RYR2: variants seen among roughly 807,000 people sequenced by gnomAD.
The protein encoded by RYR2 is cardiac muscle ryanodine receptor-calcium release channel.
Under a neutral mutation model 601.1 loss-of-function variants are expected in RYR2, and 227 were observed. The ratio of observed to expected loss-of-function variants is 0.38; its 90% confidence interval spans 0.34 to 0.42. RYR2 has a LOEUF of 0.42. Ranked by LOEUF, RYR2 falls within the 10% of genes least tolerant of loss-of-function variation. The pLI is 1.00. For missense variants in RYR2, 4,646 were observed against 6,156.5 expected, an observed-to-expected ratio of 0.75 and a Z score of 8.21; for synonymous variants, 2,223 against 2,175.1, an observed-to-expected ratio of 1.02 and a Z score of -0.61.
chr1:237,603,396 G>C (rs982581546), intron 35 of RYR2, among the ~76,000 whole-genome samples: 6 of 152,178 alleles, frequency 3.9e-5, no homozygotes, highest in Non-Finnish European at 8.8e-5. Flanking sequence ...CCACTACTCT[G>C]ATTGTTTATT....
chr1:237,139,225 C>T (rs1673123517), intron 1 of RYR2, among the ~76,000 whole-genome samples: 1 of 152,076 alleles, frequency 6.6e-6, no homozygotes, highest in Middle Eastern at 3.2e-3. Context: ...ACCATATATA[C>T]TACCACATGG....
At chr1:237,124,727 A>G (rs1392856191) in intron 1 of RYR2, among the ~76,000 whole-genome samples, 1 of 152,134 alleles carries the variant, frequency 6.6e-6, no homozygotes, top group Non-Finnish European at 1.5e-5. Flanking sequence ...CTTGACAGGG[A>G]AGGTAACATT....
intron 1 of RYR2, among the ~76,000 whole-genome samples, chr1:237,141,851 G>T (rs1445502482): frequency 6.6e-6 from 1 of 152,108 alleles, no homozygotes; most frequent in Non-Finnish European, 1.5e-5. Context: ...CTATGGCCTT[G>T]GTTCACCACT....
At chr1:237,480,378 C>CA (rs61271895) in intron 17 of RYR2, among the ~76,000 whole-genome samples, 3,730 of 56,688 alleles carry the variant, frequency 0.066, 134 homozygotes, top group East Asian at 0.15. Context: ...AAGATCATCT[C>CA]AAAAAAAAAA....
intron 8 of RYR2, among the ~76,000 whole-genome samples, chr1:237,380,391 TA>T (rs1558718082): frequency 0.05 from 3,166 of 63,360 alleles, 392 homozygotes; most frequent in East Asian, 0.11. Flanking sequence ...TATATATATA[TA>T]TATATATATA....
At chr1:237,609,945 G>C (rs627287) in intron 35 of RYR2, among the ~76,000 whole-genome samples, 147,217 of 152,206 alleles carry the variant, frequency 0.97, 71,362 homozygotes, top group Middle Eastern at 1. Context: ...GTTTTTCCCC[G>C]CCTATTGTTA....
intron 6 of RYR2, among the ~76,000 whole-genome samples, chr1:237,373,388 G>A (rs2149776007): frequency 6.6e-6 from 1 of 152,208 alleles, no homozygotes; most frequent in African/African-American, 2.4e-5. Context: ...CCACCGATTG[G>A]TTCATCTGCC....
chr1:237,544,379 T>C (rs1238992373), intron 25 of RYR2, among the ~76,000 whole-genome samples: 4 of 152,186 alleles, frequency 2.6e-5, no homozygotes, highest in Non-Finnish European at 5.9e-5. Flanking sequence ...TTTGAGAAAG[T>C]AGAATGTAAT....
intron 17 of RYR2, among the ~76,000 whole-genome samples, chr1:237,487,322 T>A (rs1042838504): frequency 1.8e-4 from 28 of 152,170 alleles, no homozygotes; most frequent in Non-Finnish European, 4.0e-4. Context: ...TTCCTTTTTT[T>A]ATTTAAAAAT....
At chr1:237,420,239 T>C (rs1705418722) in intron 11 of RYR2, among the ~76,000 whole-genome samples, 2 of 152,090 alleles carry the variant, frequency 1.3e-5, no homozygotes, top group Admixed American at 1.3e-4. Context: ...ATATTGTAAG[T>C]GAGATATGTG....
intron 1 of RYR2, among the ~76,000 whole-genome samples, chr1:237,135,138 A>G (rs962711802): frequency 6.6e-6 from 1 of 152,208 alleles, no homozygotes; most frequent in East Asian, 1.9e-4. Flanking sequence ...GCCTTATGTA[A>G]GGTTACTCAG....
At chr1:237,354,921 C>T (rs1036431840) in intron 3 of RYR2, among the ~76,000 whole-genome samples, 1 of 152,092 alleles carries the variant, frequency 6.6e-6, no homozygotes, top group Non-Finnish European at 1.5e-5. Flanking sequence ...TCATAAAATT[C>T]TGCCTGTTTA....
chr1:237,172,320 G>A (rs1677493854), intron 1 of RYR2, among the ~76,000 whole-genome samples: 1 of 152,148 alleles, frequency 6.6e-6, no homozygotes, highest in Admixed American at 6.5e-5. Flanking sequence ...CATTAACCTA[G>A]TTTTCATCAA....
At chr1:237,124,929 G>C (rs916968602) in intron 1 of RYR2, among the ~76,000 whole-genome samples, 4 of 152,288 alleles carry the variant, frequency 2.6e-5, no homozygotes, top group South Asian at 2.1e-4. Context: ...TCATGCAGCA[G>C]GTGAGTTTTT....
At chr1:237,414,012 T>G (rs1704693495) in intron 10 of RYR2, among the ~76,000 whole-genome samples, 1 of 152,182 alleles carries the variant, frequency 6.6e-6, no homozygotes. Flanking sequence ...TGTCAATTTC[T>G]TTTCTTTTCA....
intron 6 of RYR2, among the ~76,000 whole-genome samples, chr1:237,369,858 T>G (rs1700500171): frequency 1.3e-5 from 2 of 152,178 alleles, no homozygotes; most frequent in Admixed American, 1.3e-4. Context: ...GATAGAGTAG[T>G]TTTAGGAGGA....
At chr1:237,795,183 A>T (rs1658953975) in intron 95 of RYR2, 106 bp from the exon 96 acceptor site, 1 of 558,326 alleles carries the variant, frequency 1.8e-6, no homozygotes, top group Non-Finnish European at 3.2e-6. Flanking sequence ...ACGTGGCAGG[A>T]TATATGTTTA....
chr1:237,775,989 A>G (rs1694631092), intron 87 of RYR2, among the ~76,000 whole-genome samples: 1 of 152,200 alleles, frequency 6.6e-6, no homozygotes, highest in South Asian at 2.1e-4. Context: ...GGTTGGCCAA[A>G]CAACTTTTGG....
intron 1 of RYR2, among the ~76,000 whole-genome samples, chr1:237,211,950 G>T (rs1283700545): frequency 6.6e-6 from 1 of 152,152 alleles, no homozygotes; most frequent in Non-Finnish European, 1.5e-5. Flanking sequence ...AATTAGATGA[G>T]AGAAGTTAAA....
Sources: allele counts gnomAD v4.1 joint callset (sites outside exome capture counted in the v4.1 genomes callset), GRCh38; gene constraint gnomAD v4.1.1; transcripts MANE v1.5; gene names NCBI Gene and HGNC (gene_info 2026-07-23, HGNC 2026-07-21).